The following CACNA1B variants were observed in gnomAD, a reference collection of about 807,000 sequenced individuals.
CACNA1B encodes the protein calcium voltage-gated channel subunit alpha1 B.
In CACNA1B, 70 loss-of-function variants were observed where a neutral mutation model predicts 247.2. That is an observed-to-expected ratio of 0.28 (90% confidence interval 0.23 to 0.35). The LOEUF (loss-of-function observed/expected upper bound fraction) is 0.35, where lower values mean the gene tolerates loss of function less well. Among genes scored for constraint, CACNA1B ranks in the 10% least tolerant of loss-of-function variants. The pLI is 1.00. For missense variants in CACNA1B, 2,367 were observed against 3,197.4 expected (o/e 0.74, Z 6.26); for synonymous variants, 1,231 against 1,294.4 (o/e 0.95, Z 1.05).
rs985503188 is a variant in CACNA1B at position 137,973,139 on chromosome 9, G to A, written c.1543+1547G>A. On this transcript the variant is annotated intron_variant, in intron 11 of 46. Coordinates refer to ENST00000371372, the MANE Select transcript of CACNA1B (RefSeq NM_000718.4). This position sits in a 1 kb window ranked among gnomAD's most constrained non-coding sequence, Gnocchi z 4.1. ...TGCACAGCCCAGTCGCGCATCTGCT[G>A]TGTGCGAGCACAGGGCTGGCAGTGT... 1.3e-5 allele frequency among the ~76,000 whole-genome samples: 2 copies of A among 152,230 alleles called. No homozygotes were observed. The highest frequency in any genetic ancestry group is 2.9e-5 in the Non-Finnish European group (2 of 68,044).
chr9:137,903,564 C>T lies in CACNA1B; in HGVS notation c.531-9616C>T, dbSNP rs964035553. ...TTTTCTTCTTTGAATCATTTTTTAA[C>T]GTTTTGCCTACTTAGTTTTCCAGAT... On this transcript the variant is annotated intron_variant, in intron 3 of 46. Transcript: ENST00000371372. Among the ~76,000 whole-genome samples, 8 of 152,100 alleles carry T rather than the reference C, an allele frequency of 5.3e-5. 1 individual carries two copies. The South Asian group carries it at 1.0e-3, about 20-fold the overall frequency.
chr9:138,041,657 C>G (rs1238266152), intron 20 of CACNA1B, among the ~76,000 whole-genome samples: 1 of 152,110 alleles, frequency 6.6e-6, no homozygotes, highest in African/African-American at 2.4e-5. Flanking sequence ...AGAAATAGTT[C>G]CATCCGAGCC....
rs143093662 is a variant in CACNA1B, at chr9:138,086,713, C to T, written c.5094+8455C>T. Among the ~76,000 whole-genome samples, 24 of 151,348 alleles carry T rather than the reference C, an allele frequency of 1.6e-4. No homozygotes were observed. The East Asian group carries it at 3.3e-3, about 21-fold the overall frequency. On this transcript the variant is annotated intron_variant, in intron 36 of 46. Coordinates refer to ENST00000371372, the MANE Select transcript of CACNA1B (RefSeq NM_000718.4). ...ATAGATTCCAGCACAGTGTCATTTG[C>T]GGATTTCCGTACCCTATGCTCCGCA...
Position 137,957,249 on chromosome 9 carries a change from G to A in CACNA1B, c.1244-349G>A, listed in dbSNP as rs529383613. Among the ~76,000 whole-genome samples, 7 of 152,342 alleles carry A rather than the reference G, an allele frequency of 4.6e-5. No individual in the cohort carries two copies. Among genetic ancestry groups the A allele is most frequent in the East Asian group, 1.9e-4 (1 of 5,182 alleles). On this transcript the variant is annotated intron_variant, in intron 9 of 46. Transcript: ENST00000371372. The surrounding 1 kb of genome is among the most constrained non-coding windows in gnomAD (Gnocchi z 4.7). ...GGGCACTTCCGTGGCAATCTCAGCC[G>A]GCCCCATGCCTGCGGCTCTGAGCAG...
At position 137,984,245 on chromosome 9, in the gene CACNA1B, C is replaced by T. The variant is rs759672793; in HGVS notation, c.1764C>T (p.Val588=). The change falls in exon 13 of 47, where the codon GTC becomes GTT. Residue 588 remains valine, a synonymous_variant. Transcript: ENST00000371372. The stretch of plus-strand genomic sequence containing the variant: ...TCCGCCTGCTGAGGATCTTCAAAGT[C>T]ACGAAGTACGTCCCCTGCGCTCCCA... ...RALRLLRIFK[V]TKYWSSLRNL... The T allele has an allele frequency of 1.3e-4, 205 of 1,584,154 alleles. 1 individual carries two copies. In the Middle Eastern group the frequency reaches 1.5e-3, roughly 12 times the overall value.
At chr9:137,892,035 G>A (rs1226818648) in intron 3 of CACNA1B, 1 of 457,256 alleles carries the variant, frequency 2.2e-6, no homozygotes, top group Non-Finnish European at 4.4e-6. Context: ...TGCGGCCTCT[G>A]TGTCTTCTCC....
intron 6 of CACNA1B, among the ~76,000 whole-genome samples, chr9:137,934,796 G>A (rs1321547490): frequency 6.6e-6 from 1 of 152,066 alleles, no homozygotes; most frequent in Non-Finnish European, 1.5e-5. Flanking sequence ...CTACATCAAG[G>A]GACCACCCCA....
chr9:137,887,245 TG>T (rs1336273183), intron 3 of CACNA1B, among the ~76,000 whole-genome samples: 1 of 144,938 alleles, frequency 6.9e-6, no homozygotes. Context: ...AGCCATGTGG[TG>T]GGGGTGAGGG....
In CACNA1B at chr9:138,047,427, C is replaced by G. The variant is rs1159215352; in HGVS notation, c.3572C>G (p.Thr1191Ser). The G allele has an allele frequency of 1.9e-6, 3 of 1,612,360 alleles. No homozygotes were observed. In the South Asian group the frequency reaches 3.3e-5, roughly 18 times the overall value. ...NALKYLDYIF[T>S]GVFTFEMVIK... is the part of the protein sequence containing the mutation. ...CTGAAATACCTGGATTACATTTTCA[C>G]TGGTGTCTTTACCTTTGAGATGGTG... Residue 1191 changes from threonine (T) to serine (S), a missense_variant, in exon 23 of 47, where the codon ACT becomes AGT. By Grantham distance (58) the Thr-to-Ser change is moderately conservative (BLOSUM62 1). Around this residue, in one of 12 missense-constraint regions of CACNA1B, gnomAD observed 436 missense variants for 679.5 expected, o/e 0.64. Coordinates refer to ENST00000371372, the MANE Select transcript of CACNA1B (RefSeq NM_000718.4).
intron 20 of CACNA1B, among the ~76,000 whole-genome samples, chr9:138,028,404 C>A (rs375813990): frequency 6.6e-6 from 1 of 152,128 alleles, no homozygotes; most frequent in Admixed American, 6.6e-5. Context: ...ATATAAAGCA[C>A]AGATAAACAA....
At chr9:137,911,929 G>C (rs1257538763) in intron 3 of CACNA1B, among the ~76,000 whole-genome samples, 1 of 152,178 alleles carries the variant, frequency 6.6e-6, no homozygotes, top group Non-Finnish European at 1.5e-5. Context: ...AACAATAGGT[G>C]ACTGGTGCGA....
In CACNA1B at chr9:138,072,492, CTG is replaced by C. The variant is rs1960166982; in HGVS notation, c.4675-995_4675-994del. On this transcript the variant is annotated intron_variant, in intron 32 of 46. Transcript: ENST00000371372. The surrounding 1 kb of genome is among the most constrained non-coding windows in gnomAD (Gnocchi z 4.5). The stretch of plus-strand genomic sequence containing the variant: ...CATCTGTGTTCTCTTTATTTGATGA[CTG>C]AATCTGACAACACGAACGTGTCTCT... Among the ~76,000 whole-genome samples the C allele has an allele frequency of 6.6e-6, 1 of 152,264 alleles. No individual in the cohort carries two copies. The highest frequency in any genetic ancestry group is 1.5e-5 in the Non-Finnish European group (1 of 68,050).
rs557867958 is a variant in CACNA1B, at chr9:137,899,173, C to T, written c.531-14007C>T. Among the ~76,000 whole-genome samples, 5 of 152,040 alleles carry T rather than the reference C, an allele frequency of 3.3e-5. No homozygotes were observed. Among genetic ancestry groups the T allele is most frequent in the South Asian group, 2.1e-4 (1 of 4,796 alleles). On this transcript the variant is annotated intron_variant, in intron 3 of 46. Coordinates refer to ENST00000371372, the MANE Select transcript of CACNA1B (RefSeq NM_000718.4). This position sits in a 1 kb window ranked among gnomAD's most constrained non-coding sequence, Gnocchi z 5.0. ...TGCAATCTCAGCTCACTGCAACCTC[C>T]GCCTCCTAGGTTCAAGCAATTGTCC...
In CACNA1B at chr9:138,120,738, C is replaced by T; in HGVS notation, c.6346C>T (p.Gln2116Ter). The change falls in exon 46 of 47, where the codon CAG becomes TAG. Residue 2116 changes from glutamine to a stop codon, truncating the protein, a stop_gained. Coordinates refer to ENST00000371372, the MANE Select transcript of CACNA1B (RefSeq NM_000718.4). LOFTEE classifies it high-confidence loss of function. ...QERGRSQERR[Q>*]PSSSSSEKQR... Reference sequence around the variant, plus strand: ...GCGGGGCCGGTCCCAGGAGCGGAGGCAGCCCTCATCCTCCTCCTCGGAGAA... The same window carrying T: ...GCGGGGCCGGTCCCAGGAGCGGAGGTAGCCCTCATCCTCCTCCTCGGAGAA... The T allele has an allele frequency of 6.5e-7, 1 of 1,543,942 alleles. No homozygotes were observed.
chr9:137,971,459 G>C lies in CACNA1B; in HGVS notation c.1410G>C (p.Met470Ile). The C allele has an allele frequency of 6.2e-7, 1 of 1,613,702 alleles. No individual in the cohort carries two copies. Among genetic ancestry groups the C allele is most frequent in the Non-Finnish European group, 8.5e-7 (1 of 1,179,752 alleles). The change falls in exon 11 of 47, where the codon ATG becomes ATC. Residue 470 changes from methionine to isoleucine, a missense_variant. Physicochemically the swap from Met to Ile is conservative, Grantham distance 10. Around this residue, in one of 12 missense-constraint regions of CACNA1B, gnomAD observed 219 missense variants for 297.6 expected, o/e 0.74. Coordinates refer to ENST00000371372, the MANE Select transcript of CACNA1B (RefSeq NM_000718.4). This position sits in a 1 kb window ranked among gnomAD's most constrained non-coding sequence, Gnocchi z 4.4. ...CATACTTCCGGAGGAAGGAGAAGATGTTCCGGTTTTTTATCCGGCGCATGG... is the reference window on the plus strand; with the variant it reads ...CATACTTCCGGAGGAAGGAGAAGATCTTCCGGTTTTTTATCCGGCGCATGG... ...SSSYFRRKEK[M>I]FRFFIRRMVK... is the part of the protein sequence containing the mutation.
At chr9:137,897,750 G>T (rs1957188711) in intron 3 of CACNA1B, among the ~76,000 whole-genome samples, 1 of 151,434 alleles carries the variant, frequency 6.6e-6, no homozygotes, top group South Asian at 2.1e-4. Flanking sequence ...AGCGATCTCA[G>T]CTCACTGCAA....
In CACNA1B at chr9:138,011,828, A is replaced by G. The variant is rs913131260; in HGVS notation, c.2161-1301A>G. Among the ~76,000 whole-genome samples, 1 of 152,184 alleles carries G rather than the reference A, an allele frequency of 6.6e-6. No homozygotes were observed. The highest frequency in any genetic ancestry group is 2.4e-5 in the African/African-American group (1 of 41,450). Reference sequence around the variant, plus strand: ...TGCCAGCGTTGCGCCCCGAATGCAGATTCAAGGACATTTTAGGGAACACTG... The same window carrying G: ...TGCCAGCGTTGCGCCCCGAATGCAGGTTCAAGGACATTTTAGGGAACACTG... On this transcript the variant is annotated intron_variant, in intron 17 of 46. Transcript: ENST00000371372. The surrounding 1 kb of genome is among the most constrained non-coding windows in gnomAD (Gnocchi z 4.2).
chr9:138,113,861 TGCCGG>T (rs1564293611), intron 40 of CACNA1B, among the ~76,000 whole-genome samples: 1 of 35,854 alleles, frequency 2.8e-5, no homozygotes, highest in African/African-American at 1.2e-4. Flanking sequence ...CGTGAGGGAG[TGCCGG>T]GAGGTGCCCA....
chr9:138,063,585 C>T, intron 31 of CACNA1B, among the ~76,000 whole-genome samples: 1 of 152,250 alleles, frequency 6.6e-6, no homozygotes, highest in East Asian at 1.9e-4. Context: ...GCTGTGGATA[C>T]AAACTGCTTC....
Sources: allele counts gnomAD v4.1 joint callset (sites outside exome capture counted in the v4.1 genomes callset), GRCh38; gene constraint gnomAD v4.1.1; regional missense constraint gnomAD v4.1.1; non-coding constraint Gnocchi (gnomAD v3.1); transcripts MANE v1.5; gene names NCBI Gene and HGNC (gene_info 2026-07-23, HGNC 2026-07-21).